SLC30A6: variants seen among roughly 807,000 people sequenced by gnomAD.
SLC30A6 encodes the protein zinc transporter 6.
Under a neutral mutation model 63.0 loss-of-function variants are expected in SLC30A6, and 55 were observed. The observed-to-expected ratio is 0.87, with a 90% confidence interval of 0.70 to 1.09. The LOEUF (loss-of-function observed/expected upper bound fraction) is 1.09. Among genes scored for constraint, SLC30A6 ranks in the 50% least tolerant of loss-of-function variants. The probability of loss-of-function intolerance (pLI) is 0.00; values close to 1 mark genes in which losing one functional copy is unlikely to be tolerated. For synonymous variants in SLC30A6, 224 were observed against 186.1 expected (o/e 1.20, Z -1.66); for missense variants, 587 against 549.2 (o/e 1.07, Z -0.69).
chr2:32,188,250 A>G (rs1037753516), intron 5 of SLC30A6, among the ~76,000 whole-genome samples: 1 of 152,188 alleles, frequency 6.6e-6, no homozygotes, highest in Non-Finnish European at 1.5e-5. Context: ...TCATATCTTA[A>G]TATCACTAAA....
chr2:32,192,872 C>G (rs1683455901), intron 6 of SLC30A6, 46 bp from the exon 7 acceptor site: 1 of 1,248,030 alleles, frequency 8.0e-7, no homozygotes, highest in Non-Finnish European at 1.1e-6. Context: ...AGCTTTTTAA[C>G]TTTATAATTT....
At chr2:32,216,582 T>TAAATAAATA (rs771956010) in intron 13 of SLC30A6, among the ~76,000 whole-genome samples, 81 of 139,712 alleles carry the variant, frequency 5.8e-4, no homozygotes, top group African/African-American at 1.5e-3. Flanking sequence ...AATAAATAAA[T>TAAATAAATA]AATAATAATG....
At position 32,213,796 on chromosome 2, in the gene SLC30A6, C is replaced by CTTTTTTTTTTTTTTTTTTTTTTTT. The variant is rs767073182; in HGVS notation, c.885+4249_885+4250insTTTTTTTTTTTTTTTTTTTTTTTT. Among the ~76,000 whole-genome samples the CTTTTTTTTTTTTTTTTTTTTTTTT allele has an allele frequency of 6.6e-5, 7 of 106,778 alleles. 3 individuals are homozygous for CTTTTTTTTTTTTTTTTTTTTTTTT. Among genetic ancestry groups the CTTTTTTTTTTTTTTTTTTTTTTTT allele is most frequent in the African/African-American group, 1.6e-4 (4 of 25,346 alleles). 70.1% of individuals were successfully genotyped at this position (106,778 alleles called of 152,430 possible). On this transcript the variant is annotated intron_variant, in intron 13 of 13. Transcript: ENST00000282587. ...CCTATATTAACAGGTCTAGGATAAA[C>CTTTTTTTTTTTTTTTTTTTTTTTT]TTTTTTTTTTTTTTGTTTTTGTTTT...
At chr2:32,185,029 GGATTTGTGATAGCAATA>G (rs1682680710) in intron 5 of SLC30A6, among the ~76,000 whole-genome samples, 1 of 152,130 alleles carries the variant, frequency 6.6e-6, no homozygotes, top group African/African-American at 2.4e-5. Context: ...ATCTGAAACT[GGATTTGTGATAGCAATA>G]GATCAACAAA....
At chr2:32,203,892 A>G in intron 10 of SLC30A6, 1 of 919,762 alleles carries the variant, frequency 1.1e-6, no homozygotes, top group Admixed American at 1.7e-5. Flanking sequence ...GCAGCCGGTC[A>G]GTTAGACAGA....
chr2:32,205,662 CTTTTTTT>C (rs745414068), intron 11 of SLC30A6, among the ~76,000 whole-genome samples: 1 of 87,198 alleles, frequency 1.1e-5, no homozygotes, highest in Non-Finnish European at 2.1e-5. Flanking sequence ...AATGTTACTT[CTTTTTTT>C]TTTTTTTTTT....
rs1193844892 is a variant in SLC30A6 at position 32,220,280 on chromosome 2, A to G, written c.953A>G (p.Asn318Ser). 2 of 1,614,224 alleles carry G rather than the reference A, an allele frequency of 1.2e-6. No individual in the cohort carries two copies. The highest frequency in any genetic ancestry group is 1.3e-5 in the African/African-American group (1 of 75,072). The change falls in exon 14 of 14, where the codon AAC becomes AGC. Residue 318 changes from asparagine (N) to serine (S), a missense_variant. Transcript: ENST00000282587. ...NEQMVLAHVTNRLYTLVSTLT... is the reference protein window; with the variant it reads ...NEQMVLAHVTSRLYTLVSTLT... ...CAAATGGTTCTTGCTCATGTGACCA[A>G]CAGGCTGTACACTCTAGTGTCTACT...
chr2:32,190,874 C>T (rs756306168), intron 5 of SLC30A6, among the ~76,000 whole-genome samples: 10 of 152,168 alleles, frequency 6.6e-5, no homozygotes, highest in South Asian at 2.1e-4. Context: ...GTGCCTGCCT[C>T]GGCCTCACAA....
intron 1 of SLC30A6, among the ~76,000 whole-genome samples, chr2:32,169,812 C>T (rs948579580): frequency 1.3e-5 from 2 of 152,120 alleles, no homozygotes; most frequent in African/African-American, 4.8e-5. Context: ...GAGAGGCATA[C>T]CATTTTTATT....
chr2:32,187,058 C>A, intron 5 of SLC30A6: 10 of 352,908 alleles, frequency 2.8e-5, no homozygotes, highest in South Asian at 6.5e-5. Context: ...AATGGGAGGA[C>A]TTTTACAATT....
At chr2:32,192,640 A>T (rs568611844) in intron 6 of SLC30A6, among the ~76,000 whole-genome samples, 11 of 151,988 alleles carry the variant, frequency 7.2e-5, no homozygotes, top group Admixed American at 7.2e-4. Context: ...TTGTGAATGA[A>T]ACAGAGATTC....
chr2:32,212,392 TTGTG>T (rs1462858678), intron 13 of SLC30A6, among the ~76,000 whole-genome samples: 1 of 152,004 alleles, frequency 6.6e-6, no homozygotes. Context: ...TTACATAACT[TTGTG>T]TGGGATTTGA....
At chr2:32,185,570 C>T (rs1013708096) in intron 5 of SLC30A6, among the ~76,000 whole-genome samples, 7 of 151,886 alleles carry the variant, frequency 4.6e-5, no homozygotes, top group Non-Finnish European at 5.9e-5. Context: ...TCTTTTCCAC[C>T]ATACCATTCA....
At chr2:32,201,501 A>G (rs1684290480) in intron 10 of SLC30A6, 4 of 515,138 alleles carry the variant, frequency 7.8e-6, no homozygotes, top group Non-Finnish European at 1.4e-5. Flanking sequence ...ACACACAGCC[A>G]CGGCTGAGTG....
intron 10 of SLC30A6, among the ~76,000 whole-genome samples, chr2:32,200,054 G>T (rs928558603): frequency 3.3e-5 from 5 of 151,218 alleles, no homozygotes; most frequent in African/African-American, 4.9e-5. Context: ...AGTGGAGGAG[G>T]TTATATATAT....
chr2:32,209,407 G>T, intron 12 of SLC30A6, 86 bp from the exon 13 acceptor site: 1 of 1,073,448 alleles, frequency 9.3e-7, no homozygotes, highest in Non-Finnish European at 1.4e-6. Context: ...TCATTCTTAA[G>T]TTTAAACTAA....
At chr2:32,216,807 C>A (rs1035317311) in intron 13 of SLC30A6, among the ~76,000 whole-genome samples, 1 of 151,172 alleles carries the variant, frequency 6.6e-6, no homozygotes, top group Non-Finnish European at 1.5e-5. Flanking sequence ...GATATCAGAT[C>A]TTTGTCTGAT....
chr2:32,193,508 C>A (rs1173283665), intron 7 of SLC30A6, among the ~76,000 whole-genome samples: 1 of 151,992 alleles, frequency 6.6e-6, no homozygotes, highest in African/African-American at 2.4e-5. Context: ...TATGAAAAAA[C>A]AATTGTATTT....
At chr2:32,214,275 A>G (rs945217302) in intron 13 of SLC30A6, among the ~76,000 whole-genome samples, 4 of 152,130 alleles carry the variant, frequency 2.6e-5, no homozygotes, top group Non-Finnish European at 4.4e-5. Flanking sequence ...GTAAATATCC[A>G]TGATTATTTC....
Sources: gnomAD v4.1 joint callset for allele counts (sites outside exome capture counted in the v4.1 genomes callset) on GRCh38, gnomAD v4.1.1 for gene constraint, MANE v1.5 for transcripts, NCBI Gene and HGNC (gene_info 2026-07-23, HGNC 2026-07-21) for gene names.